The following NCBP2 variants were observed in gnomAD, a reference collection of about 807,000 sequenced individuals.
NCBP2 encodes nuclear cap binding protein subunit 2.
NCBP2 carries 8 observed loss-of-function variants against 21.5 expected under a neutral mutation model. The ratio of observed to expected loss-of-function variants is 0.37; its 90% CI spans 0.22 to 0.67. NCBP2 has a LOEUF of 0.67. Among genes scored for constraint, NCBP2 ranks in the 30% least tolerant of loss-of-function variants. NCBP2 has a pLI of 0.56. For missense variants in NCBP2, 127 were observed against 206.9 expected, an observed-to-expected ratio of 0.61 and a Z score of 2.37; for synonymous variants, 92 against 75.8, an observed-to-expected ratio of 1.21 and a Z score of -1.11.
At chr3:196,940,411 T>C (rs1577865371) in intron 1 of NCBP2, among the ~76,000 whole-genome samples, 1 of 143,122 alleles carries the variant, frequency 7.0e-6, no homozygotes, top group African/African-American at 2.5e-5. Flanking sequence ...CATTGTATGT[T>C]AAAAAGAGGT....
intron 1 of NCBP2, chr3:196,942,139 C>T: frequency 2.7e-6 from 4 of 1,462,500 alleles, no homozygotes; most frequent in African/African-American, 1.4e-5. Context: ...CGGGAGCCGC[C>T]ACCACCACCA....
rs1230473481 is a variant in NCBP2 at position 196,936,117 on chromosome 3, T to C, written c.*894A>G. The C allele has an allele frequency of 2.0e-5, 3 of 152,248 alleles. No individual in the cohort carries two copies. The highest frequency in any genetic ancestry group is 6.5e-5 in the Admixed American group (1 of 15,284). The allele number at this position is 152,248 out of a possible 1,614,324, so 9.4% of individuals were successfully genotyped here. A position where few individuals can be genotyped will look rare whatever the true frequency, so the allele number is the denominator to read the frequency against. ...TCTTGATATTTTATCCCATTTCCTA[T>C]TGACAACATCTCCCCTACCCCTGAA... On this transcript the variant is annotated 3_prime_UTR_variant, in exon 4 of 4. Coordinates refer to ENST00000321256, the MANE Select transcript of NCBP2 (RefSeq NM_007362.5).
intron 2 of NCBP2, chr3:196,938,196 T>C (rs561975206): frequency 6.6e-6 from 1 of 152,294 alleles, no homozygotes; most frequent in Non-Finnish European, 1.5e-5. Flanking sequence ...GAAACTAGTA[T>C]CTTTGATGTT....
rs549542561 is a variant in NCBP2 at position 196,937,152 on chromosome 3, T to C, written c.400-70A>G. ...GTAACAAATATGCCTCCCACAAACATGTTAGACAAACAGTGAAACCTGTTC... is the reference window on the plus strand; with the variant it reads ...GTAACAAATATGCCTCCCACAAACACGTTAGACAAACAGTGAAACCTGTTC... On this transcript the variant is annotated intron_variant, in intron 3 of 3. Transcript: ENST00000321256. The C allele has an allele frequency of 7.7e-6, 11 of 1,429,178 alleles. No homozygotes were observed. The East Asian group carries it at 1.8e-4, about 24-fold the overall frequency. The allele number at this position is 1,429,178 out of a possible 1,614,324, so 88.5% of individuals were successfully genotyped here.
chr3:196,941,686 C>A (rs1716582192), intron 1 of NCBP2: 6 of 585,330 alleles, frequency 1.0e-5, no homozygotes, highest in Non-Finnish European at 1.5e-5. Flanking sequence ...CCCCGCCAAC[C>A]CCCAACCGTA....
chr3:196,941,844 C>T (rs1190514877), intron 1 of NCBP2: 1 of 1,435,334 alleles, frequency 7.0e-7, no homozygotes, highest in South Asian at 1.2e-5. Context: ...CATCCGAACA[C>T]CCTCAAAGTG....
chr3:196,937,192 G>A (rs780349223), intron 3 of NCBP2, 110 bp from the exon 4 acceptor site: 26 of 1,094,862 alleles, frequency 2.4e-5, no homozygotes, highest in Non-Finnish European at 3.4e-5. Context: ...GCCACAATGT[G>A]AACATTTCAA....
chr3:196,939,052 T>C, intron 2 of NCBP2, 199 bp downstream of exon 2: 1 of 459,062 alleles, frequency 2.2e-6, no homozygotes, highest in East Asian at 3.4e-5. Flanking sequence ...AAAAACTTTT[T>C]GTTAAAGAAC....
chr3:196,940,425 C>T (rs1239603807), intron 1 of NCBP2, among the ~76,000 whole-genome samples: 1 of 151,070 alleles, frequency 6.6e-6, no homozygotes, highest in Non-Finnish European at 1.5e-5. Context: ...AAGAGGTTTT[C>T]GGAACTTTGG....
rs1716225474 is a variant in NCBP2 at position 196,935,643 on chromosome 3, GT to G, written c.*1367del. ...TTAAAAATTCAGATTTCTACACTCA[GT>G]TTAACGGGAGAGACATTCACACTTA... is the stretch of plus-strand genomic sequence containing the variant. On this transcript the variant is annotated 3_prime_UTR_variant, in exon 4 of 4. Coordinates refer to ENST00000321256, the MANE Select transcript of NCBP2 (RefSeq NM_007362.5). 6.6e-6 allele frequency: 1 copy of G among 152,276 alleles called. No individual in the cohort carries two copies. The highest frequency in any genetic ancestry group is 2.4e-5 in the African/African-American group (1 of 41,546). 9.4% of individuals were successfully genotyped at this position (152,276 alleles called of 1,614,324 possible). A position where few individuals can be genotyped will look rare whatever the true frequency, so the allele number is the denominator to read the frequency against.
At position 196,936,225 on chromosome 3, in the gene NCBP2, T is replaced by C. The variant is rs1716256443; in HGVS notation, c.*786A>G. On this transcript the variant is annotated 3_prime_UTR_variant, in exon 4 of 4. Coordinates refer to ENST00000321256, the MANE Select transcript of NCBP2 (RefSeq NM_007362.5). ...CACTGACATCTTTTGAAAAACGTGT[T>C]AGTAAATACTCAAGTTCTGGCCTCA... The C allele has an allele frequency of 1.3e-5, 2 of 152,312 alleles. No individual in the cohort carries two copies. The highest frequency in any genetic ancestry group is 1.3e-4 in the Admixed American group (2 of 15,272). The allele number at this position is 152,312 out of a possible 1,614,324, so 9.4% of individuals were successfully genotyped here.
At chr3:196,941,697 T>TA (rs1716583272) in intron 1 of NCBP2, 2 of 566,058 alleles carry the variant, frequency 3.5e-6, no homozygotes, top group Non-Finnish European at 6.3e-6. Context: ...CCCAACCGTA[T>TA]TCCATCCCTA....
chr3:196,941,247 C>T (rs1371596141), intron 1 of NCBP2: 1 of 152,170 alleles, frequency 6.6e-6, no homozygotes, highest in Admixed American at 6.5e-5. Context: ...CGCCTGCCAC[C>T]ACGCCCGCCT....
chr3:196,939,189 T>C (rs1210235206), intron 2 of NCBP2, 62 bp downstream of exon 2: 1 of 1,472,956 alleles, frequency 6.8e-7, no homozygotes, highest in Non-Finnish European at 9.5e-7. Flanking sequence ...GGGACGCTTA[T>C]GAGCTACCAC....
At chr3:196,937,372 G>A in intron 3 of NCBP2, 138 bp downstream of exon 3, 1 of 1,304,240 alleles carries the variant, frequency 7.7e-7, no homozygotes, top group Non-Finnish European at 1.0e-6. Flanking sequence ...AAACCGTTGG[G>A]TGGTTTTCAG....
intron 1 of NCBP2, chr3:196,941,065 G>C (rs1195283672): frequency 1.3e-5 from 2 of 152,058 alleles, no homozygotes; most frequent in Non-Finnish European, 2.9e-5. Flanking sequence ...AATAAAGCGA[G>C]ACTCTGTCTC....
intron 1 of NCBP2, 173 bp downstream of exon 1, chr3:196,942,253 G>GAT: frequency 6.8e-7 from 1 of 1,477,552 alleles, no homozygotes; most frequent in Admixed American, 2.3e-5. Flanking sequence ...TGGCTTCAGT[G>GAT]ATATCCAAGC....
intron 2 of NCBP2, 82 bp from the exon 3 acceptor site, chr3:196,937,730 A>G: frequency 6.5e-7 from 1 of 1,544,742 alleles, no homozygotes; most frequent in Non-Finnish European, 8.8e-7. Context: ...TGAGTTGTTA[A>G]AAAGTACAAG....
Position 196,936,288 on chromosome 3 carries a change from G to A in NCBP2, c.*723C>T, listed in dbSNP as rs963725954. On this transcript the variant is annotated 3_prime_UTR_variant, in exon 4 of 4. Transcript: ENST00000321256. ...TGAAGCATGGAAGCAGTGCTGTCCT[G>A]TGGAGATTGCTTTTGCACCAACTAC... 7.9e-5 allele frequency: 12 copies of A among 152,268 alleles called. No homozygotes were observed. Among genetic ancestry groups the A allele is most frequent in the African/African-American group, 2.9e-4 (12 of 41,428 alleles). 9.4% of individuals were successfully genotyped at this position (152,268 alleles called of 1,614,324 possible). A position where few individuals can be genotyped will look rare whatever the true frequency, so the allele number is the denominator to read the frequency against.
Sources: allele counts gnomAD v4.1 joint callset (sites outside exome capture counted in the v4.1 genomes callset), GRCh38; gene constraint gnomAD v4.1.1; transcripts MANE v1.5; gene names NCBI Gene and HGNC (gene_info 2026-07-23, HGNC 2026-07-21).